The following KLHL29 variants were observed in gnomAD, a reference collection of about 807,000 sequenced individuals.
KLHL29 encodes kelch-like protein 29.
In KLHL29, 21 loss-of-function variants were observed where a neutral mutation model predicts 80.4. The ratio of observed to expected loss-of-function variants is 0.26; its 90% confidence interval spans 0.19 to 0.38. The LOEUF is 0.38. Ranked by LOEUF, KLHL29 falls within the 10% of genes least tolerant of loss-of-function variation. The pLI is 1.00. For synonymous variants in KLHL29, 511 were observed against 526.8 expected (o/e 0.97, Z 0.41); for missense variants, 867 against 1,223.9 (o/e 0.71, Z 4.35).
intron 5 of KLHL29, among the ~76,000 whole-genome samples, chr2:23,679,259 GCAGTTTGGACTA>G (rs147233046): frequency 0.033 from 4,998 of 152,268 alleles, 100 homozygotes; most frequent in South Asian, 0.09. Flanking sequence ...TCCTGGTTTA[GCAGTTTGGACTA>G]CACTCAGCCA....
At chr2:23,579,151 T>C (rs1667919069) in intron 3 of KLHL29, among the ~76,000 whole-genome samples, 1 of 152,244 alleles carries the variant, frequency 6.6e-6, no homozygotes, top group African/African-American at 2.4e-5. Context: ...CCAAGAGCTT[T>C]CCATGTTTTG....
At chr2:23,440,938 G>C (rs1036437257) in intron 1 of KLHL29, among the ~76,000 whole-genome samples, 1 of 152,092 alleles carries the variant, frequency 6.6e-6, no homozygotes, top group Admixed American at 6.6e-5. Context: ...TCAGGGATCT[G>C]GAACTAGAAA....
rs1156297087 is a variant in KLHL29, at chr2:23,703,176, T to C, written c.2106-10T>C. On this transcript the variant is annotated splice_polypyrimidine_tract_variant and intron_variant, in intron 11 of 13. Transcript: ENST00000486442. Reference sequence around the variant, plus strand: ...TCTTGACCCTGGGCTCTTTTTCTCCTCTCCTGCAGGTACGACACCATCACC... The same window carrying C: ...TCTTGACCCTGGGCTCTTTTTCTCCCCTCCTGCAGGTACGACACCATCACC... The C allele has an allele frequency of 2.1e-6, 3 of 1,405,962 alleles. No individual in the cohort carries two copies. Among genetic ancestry groups the C allele is most frequent in the Non-Finnish European group, 2.8e-6 (3 of 1,074,198 alleles). 87.1% of individuals were successfully genotyped at this position (1,405,962 alleles called of 1,614,324 possible).
chr2:23,446,886 T>C (rs1663709202), intron 1 of KLHL29, among the ~76,000 whole-genome samples: 1 of 152,150 alleles, frequency 6.6e-6, no homozygotes, highest in South Asian at 2.1e-4. Context: ...TGCAGTGAAA[T>C]ATGGAAACGG....
intron 1 of KLHL29, among the ~76,000 whole-genome samples, chr2:23,452,660 C>A (rs1397884423): frequency 6.6e-6 from 1 of 152,116 alleles, no homozygotes; most frequent in East Asian, 1.9e-4. Flanking sequence ...AGCCACTGTC[C>A]CTGTTGGTCT....
chr2:23,427,440 C>G (rs1017414658), intron 1 of KLHL29, among the ~76,000 whole-genome samples: 2 of 152,156 alleles, frequency 1.3e-5, no homozygotes, highest in Non-Finnish European at 2.9e-5. Context: ...GCGGAAATAA[C>G]ATTTTTTAAA....
At position 23,691,774 on chromosome 2, in the gene KLHL29, A is replaced by C; in HGVS notation, c.1180A>C (p.Thr394Pro). The C allele has an allele frequency of 6.4e-7, 1 of 1,551,580 alleles. No homozygotes were observed. Among genetic ancestry groups the C allele is most frequent in the Non-Finnish European group, 8.7e-7 (1 of 1,147,008 alleles). Reference sequence around the variant, plus strand: ...GGAGTTGCTGCTGGAGTTTGTCTACACGGGCTCCCTGGTCATCGACTCGGC... The same window carrying C: ...GGAGTTGCTGCTGGAGTTTGTCTACCCGGGCTCCCTGGTCATCGACTCGGC... ...VLELLLEFVYTGSLVIDSANA... is the reference protein window; with the variant it reads ...VLELLLEFVYPGSLVIDSANA... Residue 394 changes from threonine (T) to proline (P), a missense_variant, in exon 7 of 14, where the codon ACG becomes CCG. Around this residue, in one of 2 missense-constraint regions of KLHL29, gnomAD observed 443 missense variants for 767.0 expected, o/e 0.58. Transcript: ENST00000486442.
intron 2 of KLHL29, among the ~76,000 whole-genome samples, chr2:23,555,472 C>T (rs930520299): frequency 1.3e-5 from 2 of 152,232 alleles, no homozygotes; most frequent in African/African-American, 4.8e-5. Context: ...TCCCTCATTC[C>T]TGCCTCTCCC....
chr2:23,669,410 C>T lies in KLHL29; in HGVS notation c.941-14989C>T, dbSNP rs1260181825. 1 of 152,324 alleles carries T rather than the reference C, an allele frequency of 6.6e-6. No homozygotes were observed. Among genetic ancestry groups the T allele is most frequent in the African/African-American group, 2.4e-5 (1 of 41,444 alleles). The allele number at this position is 152,324 out of a possible 1,614,324, so 9.4% of individuals were successfully genotyped here. On this transcript the variant is annotated intron_variant, in intron 5 of 13. Coordinates refer to ENST00000486442, the MANE Select transcript of KLHL29 (RefSeq NM_052920.2). The surrounding 1 kb of genome is among the most constrained non-coding windows in gnomAD (Gnocchi z 4.3). ...GGCAGAGGGAATAGCCTAGGTGCCA[C>T]CCTCCTCTTCCAGGCTCCCACGCAG...
At chr2:23,621,286 G>C (rs1669176320) in intron 3 of KLHL29, among the ~76,000 whole-genome samples, 1 of 152,218 alleles carries the variant, frequency 6.6e-6, no homozygotes, top group Non-Finnish European at 1.5e-5. Context: ...AGCCCAGCCG[G>C]ACTAAGACCT....
chr2:23,538,275 G>T (rs940065414), intron 2 of KLHL29, among the ~76,000 whole-genome samples: 1 of 152,194 alleles, frequency 6.6e-6, no homozygotes. Flanking sequence ...CTCAAGTGAT[G>T]CTGGACCTAA....
At chr2:23,491,977 A>G (rs919537368) in intron 2 of KLHL29, among the ~76,000 whole-genome samples, 3 of 151,826 alleles carry the variant, frequency 2.0e-5, no homozygotes, top group Non-Finnish European at 4.4e-5. Flanking sequence ...ACTGCTCTTG[A>G]CTTCCTTCAG....
At chr2:23,597,400 TATATATA>T (rs1475085943) in intron 3 of KLHL29, among the ~76,000 whole-genome samples, 57 of 85,226 alleles carry the variant, frequency 6.7e-4, no homozygotes, top group African/African-American at 1.1e-3. Flanking sequence ...TATATATATA[TATATATA>T]TTTTTTTTTT....
intron 1 of KLHL29, among the ~76,000 whole-genome samples, chr2:23,418,684 G>A (rs1178911059): frequency 6.6e-6 from 1 of 152,162 alleles, no homozygotes; most frequent in African/African-American, 2.4e-5. Flanking sequence ...GTAACCGGGG[G>A]CCCAGGGATG....
rs1052393029 is a variant in KLHL29 at position 23,684,858 on chromosome 2, C to T, written c.1079+321C>T. Among the ~76,000 whole-genome samples the T allele has an allele frequency of 1.3e-5, 2 of 152,200 alleles. No homozygotes were observed. Among genetic ancestry groups the T allele is most frequent in the African/African-American group, 4.8e-5 (2 of 41,452 alleles). ...GTTCTCAGTGGCTCACAAGCTGTCCCTGAGATTAGGGGGGACTGTAGGCTC... is the reference window on the plus strand; with the variant it reads ...GTTCTCAGTGGCTCACAAGCTGTCCTTGAGATTAGGGGGGACTGTAGGCTC... On this transcript the variant is annotated intron_variant, in intron 6 of 13. Transcript: ENST00000486442. The surrounding 1 kb of genome is among the most constrained non-coding windows in gnomAD (Gnocchi z 4.4).
chr2:23,447,142 C>G (rs534527369), intron 1 of KLHL29, among the ~76,000 whole-genome samples: 1 of 152,342 alleles, frequency 6.6e-6, no homozygotes, highest in South Asian at 2.1e-4. Context: ...TTGAACACAT[C>G]TGCACCTTGA....
At position 23,683,114 on chromosome 2, in the gene KLHL29, G is replaced by A. The variant is rs182555318; in HGVS notation, c.941-1285G>A. 1.5e-4 allele frequency among the ~76,000 whole-genome samples: 23 copies of A among 152,372 alleles called. No individual in the cohort carries two copies. In the East Asian group the frequency reaches 4.2e-3, roughly 28 times the overall value. On this transcript the variant is annotated intron_variant, in intron 5 of 13. Transcript: ENST00000486442. ...AGGCTCAGAGAGACAAAGGGTCTTG[G>A]CCAAGTGTCAGAAGCAGGGCTGGGG...
chr2:23,437,093 T>A (rs1032277068), intron 1 of KLHL29, among the ~76,000 whole-genome samples: 16 of 152,190 alleles, frequency 1.1e-4, no homozygotes, highest in Non-Finnish European at 2.2e-4. Flanking sequence ...GCCACCGGCT[T>A]GATTGAAAGC....
At chr2:23,445,845 A>G (rs2103418170) in intron 1 of KLHL29, among the ~76,000 whole-genome samples, 1 of 152,324 alleles carries the variant, frequency 6.6e-6, no homozygotes, top group Admixed American at 6.5e-5. Context: ...CTTATGAGTA[A>G]GGTTACACAT....
Sources: allele counts gnomAD v4.1 joint callset (sites outside exome capture counted in the v4.1 genomes callset), GRCh38; gene constraint gnomAD v4.1.1; regional missense constraint gnomAD v4.1.1; non-coding constraint Gnocchi (gnomAD v3.1); transcripts MANE v1.5; gene names NCBI Gene and HGNC (gene_info 2026-07-23, HGNC 2026-07-21).